The following UBASH3B variants were observed in gnomAD, a reference collection of about 807,000 sequenced individuals.
The protein encoded by UBASH3B is ubiquitin-associated and SH3 domain-containing protein B.
In UBASH3B, 37 loss-of-function variants were observed where a neutral mutation model predicts 83.4. The ratio of observed to expected loss-of-function variants is 0.44; its 90% CI spans 0.34 to 0.58. The LOEUF is 0.58. Ranked by LOEUF, UBASH3B falls within the 20% of genes least tolerant of loss-of-function variation. UBASH3B has a pLI of 0.01. For missense variants in UBASH3B, 657 were observed against 827.2 expected, an observed-to-expected ratio of 0.79 and a Z score of 2.52; for synonymous variants, 304 against 318.3, an observed-to-expected ratio of 0.96 and a Z score of 0.48.
chr11:122,790,383 C>T (rs577602803), intron 6 of UBASH3B, among the ~76,000 whole-genome samples: 1 of 152,292 alleles, frequency 6.6e-6, no homozygotes, highest in African/African-American at 2.4e-5. Context: ...GCCCATGAGC[C>T]TCCAGAATTG....
Position 122,779,742 on chromosome 11 carries a change from A to C in UBASH3B, c.601+47A>C, listed in dbSNP as rs748910506. 2.5e-5 allele frequency: 40 copies of C among 1,608,810 alleles called. 1 individual carries two copies. Among genetic ancestry groups the C allele is most frequent in the South Asian group, 1.3e-4 (12 of 90,882 alleles). ...CAGCCCTGGGCCCTGTCAATCAAAGAGTTGGAAAGGAAAAAGGATAGGAAA... is the reference window on the plus strand; with the variant it reads ...CAGCCCTGGGCCCTGTCAATCAAAGCGTTGGAAAGGAAAAAGGATAGGAAA... On this transcript the variant is annotated intron_variant, in intron 4 of 13. Coordinates refer to ENST00000284273, the MANE Select transcript of UBASH3B (RefSeq NM_032873.5).
chr11:122,765,074 A>G (rs756024837), intron 1 of UBASH3B, among the ~76,000 whole-genome samples: 5 of 149,658 alleles, frequency 3.3e-5, no homozygotes, highest in South Asian at 4.2e-4. Context: ...TTTGTTTTAT[A>G]GTCATAAAAG....
At chr11:122,730,841 C>A (rs973084089) in intron 1 of UBASH3B, among the ~76,000 whole-genome samples, 1 of 152,132 alleles carries the variant, frequency 6.6e-6, no homozygotes, top group Non-Finnish European at 1.5e-5. Flanking sequence ...GTGATCCGCC[C>A]GCCTCGGCCT....
chr11:122,690,179 T>TATATATATATATAC (rs1863866409), intron 1 of UBASH3B, among the ~76,000 whole-genome samples: 1 of 33,796 alleles, frequency 3.0e-5, no homozygotes, highest in East Asian at 1.6e-3. Context: ...TATATATATA[T>TATATATATATATAC]ATATATATAT....
In UBASH3B at chr11:122,759,814, T is replaced by C. The variant is rs1861341023; in HGVS notation, c.162-16405T>C. On this transcript the variant is annotated intron_variant, in intron 1 of 13. Coordinates refer to ENST00000284273, the MANE Select transcript of UBASH3B (RefSeq NM_032873.5). This position sits in a 1 kb window ranked among gnomAD's most constrained non-coding sequence, Gnocchi z 4.1. ...GCAGCCTGGCTCCTAACAGGCCACG[T>C]ACCAGTACCCATCTGTGGCTCAGGG... Among the ~76,000 whole-genome samples the C allele has an allele frequency of 1.3e-5, 2 of 152,228 alleles. No individual in the cohort carries two copies. The highest frequency in any genetic ancestry group is 4.1e-4 in the South Asian group (2 of 4,834).
Position 122,656,046 on chromosome 11 carries a change from A to G in UBASH3B, c.-4A>G. On this transcript the variant is annotated 5_prime_UTR_variant, in exon 1 of 14. The change abolishes the stop of an existing upstream ORF in the 5' untranslated region. Transcript: ENST00000284273. ...CTTCCCTGGCGATGGCTGGCCGCTG[A>G]GCCATGGCTCAGTACGGCCACCCCA... 1 of 1,579,424 alleles carries G rather than the reference A, an allele frequency of 6.3e-7. No individual in the cohort carries two copies. The highest frequency in any genetic ancestry group is 8.6e-7 in the Non-Finnish European group (1 of 1,164,610).
chr11:122,701,774 A>C (rs1212919005), intron 1 of UBASH3B, among the ~76,000 whole-genome samples: 2 of 152,100 alleles, frequency 1.3e-5, no homozygotes, highest in Admixed American at 1.3e-4. Flanking sequence ...CTTTTGCCCA[A>C]AGCAAACCAT....
At position 122,809,861 on chromosome 11, in the gene UBASH3B, G is replaced by GGA; in HGVS notation, c.1932_1933dup (p.Thr645ArgfsTer11). The GGA allele has an allele frequency of 6.2e-7, 1 of 1,614,140 alleles. No homozygotes were observed. Among genetic ancestry groups the GGA allele is most frequent in the Non-Finnish European group, 8.5e-7 (1 of 1,180,022 alleles). ...CATGGACCAACTGGGGGCTTCAACT[G>GGA]GAGAGAGACCTTGCTTCAAGAATAA... On this transcript the variant is annotated frameshift_variant, in exon 14 of 14. Transcript: ENST00000284273. LOFTEE classifies it high-confidence loss of function.
At chr11:122,728,315 C>A (rs1246940327) in intron 1 of UBASH3B, among the ~76,000 whole-genome samples, 1 of 152,210 alleles carries the variant, frequency 6.6e-6, no homozygotes, top group African/African-American at 2.4e-5. Context: ...GGAGATACTC[C>A]TTTTTGCAAG....
rs145275816 is a variant in UBASH3B at position 122,761,448 on chromosome 11, G to A, written c.162-14771G>A. ...ATTATACTGATGCACTTCAGCCTGG[G>A]TGAGAGTGAGACACCAACTCCAAAA... On this transcript the variant is annotated intron_variant, in intron 1 of 13. Transcript: ENST00000284273. Among the ~76,000 whole-genome samples, 19 of 152,312 alleles carry A rather than the reference G, an allele frequency of 1.2e-4. No individual in the cohort carries two copies. The East Asian group carries it at 3.7e-3, about 29-fold the overall frequency.
intron 1 of UBASH3B, among the ~76,000 whole-genome samples, chr11:122,719,755 A>G (rs1591784991): frequency 6.6e-6 from 1 of 152,106 alleles, no homozygotes; most frequent in African/African-American, 2.4e-5. Context: ...ACTTATTTCA[A>G]TCAGGCTTCT....
chr11:122,745,242 C>T (rs1342528908), intron 1 of UBASH3B, among the ~76,000 whole-genome samples: 1 of 152,180 alleles, frequency 6.6e-6, no homozygotes, highest in Non-Finnish European at 1.5e-5. Flanking sequence ...ACGTAACAAA[C>T]AGATTAGACT....
In UBASH3B at chr11:122,808,092, C is replaced by T. The variant is rs1387352148; in HGVS notation, c.1728C>T (p.His576=). ...GAAATAACATCCTGATTGTGGCCCACGCATCTTCCCTTGAAGCGTGTACCT... is the reference window on the plus strand; with the variant it reads ...GAAATAACATCCTGATTGTGGCCCATGCATCTTCCCTTGAAGCGTGTACCT... The part of the protein sequence containing the change: ...SKGNNILIVA[H]ASSLEACTCQ... The change falls in exon 13 of 14, where the codon CAC becomes CAT. Residue 576 remains histidine (H), a synonymous_variant. Transcript: ENST00000284273. The T allele has an allele frequency of 4.3e-6, 7 of 1,614,102 alleles. No homozygotes were observed. The highest frequency in any genetic ancestry group is 3.3e-5 in the South Asian group (3 of 91,080).
At chr11:122,787,962 G>A (rs1860983482) in intron 5 of UBASH3B, among the ~76,000 whole-genome samples, 1 of 152,056 alleles carries the variant, frequency 6.6e-6, no homozygotes, top group African/African-American at 2.4e-5. Context: ...TTACTATTGA[G>A]GTCTCCCACT....
chr11:122,678,557 C>CTCACA (rs1482971209), intron 1 of UBASH3B, among the ~76,000 whole-genome samples: 1 of 152,206 alleles, frequency 6.6e-6, no homozygotes, highest in Admixed American at 6.6e-5. Context: ...TTCCACATGA[C>CTCACA]TCACTAGTAT....
chr11:122,666,068 C>T (rs921072258), intron 1 of UBASH3B, among the ~76,000 whole-genome samples: 1 of 152,210 alleles, frequency 6.6e-6, no homozygotes, highest in African/African-American at 2.4e-5. Context: ...CCGCTGTAGC[C>T]TCTCATGGCA....
intron 1 of UBASH3B, among the ~76,000 whole-genome samples, chr11:122,702,448 A>G (rs1591776503): frequency 6.6e-6 from 1 of 152,108 alleles, no homozygotes; most frequent in Admixed American, 6.6e-5. Flanking sequence ...GAGATTTCAG[A>G]GAACCCTAGG....
intron 1 of UBASH3B, among the ~76,000 whole-genome samples, chr11:122,727,068 C>T (rs1474436867): frequency 1.3e-5 from 2 of 152,134 alleles, no homozygotes; most frequent in African/African-American, 4.8e-5. Context: ...TTTTTCCTCC[C>T]CTCCAGCTCT....
intron 1 of UBASH3B, among the ~76,000 whole-genome samples, chr11:122,712,749 C>T (rs1260064674): frequency 1.3e-5 from 2 of 152,032 alleles, no homozygotes; most frequent in African/African-American, 4.8e-5. Flanking sequence ...AACTCCACTA[C>T]CAAGTGCAGC....
Sources: gnomAD v4.1 joint callset for allele counts (sites outside exome capture counted in the v4.1 genomes callset) on GRCh38, gnomAD v4.1.1 for gene constraint, Gnocchi (gnomAD v3.1) non-coding constraint, MANE v1.5 for transcripts, NCBI Gene and HGNC (gene_info 2026-07-23, HGNC 2026-07-21) for gene names.